Variants in PCDHA2 observed in about 807,000 individuals in gnomAD.
The protein encoded by PCDHA2 is protocadherin alpha 2, also known as protocadherin alpha-2.
A neutral mutation model predicts 66.0 loss-of-function variants in PCDHA2; 58 were observed. The ratio of observed to expected loss-of-function variants is 0.88; its 90% CI spans 0.71 to 1.09. The LOEUF is 1.09. PCDHA2 is among the 50% of genes least tolerant of loss of function. The probability of loss-of-function intolerance (pLI) is 0.00; values close to 1 mark genes in which losing one functional copy is unlikely to be tolerated. For synonymous variants in PCDHA2, 634 were observed against 554.0 expected, an observed-to-expected ratio of 1.14 and a Z score of -2.03; for missense variants, 1,267 against 1,242.3, an observed-to-expected ratio of 1.02 and a Z score of -0.30.
At chr5:140,830,376 A>G in intron 1 of PCDHA2, 1 of 1,614,094 alleles carries the variant, frequency 6.2e-7, no homozygotes, top group South Asian at 1.1e-5. Context: ...TGCTCCGGGG[A>G]GGGCCCACCC....
At position 140,848,936 on chromosome 5, in the gene PCDHA2, G is replaced by T. The variant is rs2150425486; in HGVS notation, c.2388+51584G>T. On this transcript the variant is annotated intron_variant, in intron 1 of 3. Coordinates refer to ENST00000526136, the MANE Select transcript of PCDHA2 (RefSeq NM_018905.3). ...ATCTGTTCATCGCGGAATCCAGGCC[G>T]CTTGACTCTCGGTTTCCACTAGAGG... The T allele has an allele frequency of 3.7e-6, 6 of 1,607,362 alleles. 1 individual carries two copies. The highest frequency in any genetic ancestry group is 4.5e-5 in the East Asian group (2 of 44,818).
intron 1 of PCDHA2, chr5:140,835,983 C>T (rs1290587139): frequency 1.2e-6 from 2 of 1,613,326 alleles, no homozygotes; most frequent in Non-Finnish European, 1.7e-6. Flanking sequence ...GTTGCAGTTC[C>T]AGGTGAGCGC....
rs574487083 is a variant in PCDHA2 at position 140,915,476 on chromosome 5, T to C, written c.2389-63473T>C. Among the ~76,000 whole-genome samples the C allele has an allele frequency of 2.0e-5, 3 of 152,296 alleles. No homozygotes were observed. The South Asian group carries it at 6.2e-4, about 32-fold the overall frequency. On this transcript the variant is annotated intron_variant, in intron 1 of 3. Transcript: ENST00000526136. ...CCAGAAGGTTTTTATTTGAAGGAGC[T>C]TGGGCCTCAATCCCAATAATACTGT...
rs1395231181 is a variant in PCDHA2, at chr5:140,794,979, C to T, written c.15C>T (p.Ile5=). Reference sequence around the variant, plus strand: ...GAGGATTGGTAATGGCGTCTTCTATCAGAAGGGGCCGAGGGGCCTGGACAC... The same window carrying T: ...GAGGATTGGTAATGGCGTCTTCTATTAGAAGGGGCCGAGGGGCCTGGACAC... MASS[I]RRGRGAWTRL... Residue 5 remains isoleucine (I), a synonymous_variant, in exon 1 of 4, where the codon ATC becomes ATT. Transcript: ENST00000526136. 1 of 1,610,484 alleles carries T rather than the reference C, an allele frequency of 6.2e-7. No homozygotes were observed. Among genetic ancestry groups the T allele is most frequent in the Non-Finnish European group, 8.5e-7 (1 of 1,178,406 alleles).
At chr5:140,884,758 C>T in intron 1 of PCDHA2, 2 of 1,424,736 alleles carry the variant, frequency 1.4e-6, no homozygotes, top group Middle Eastern at 4.1e-4. Flanking sequence ...TCAAATTATT[C>T]TTTACTTTAA....
chr5:140,860,904 A>ATT (rs369143047), intron 1 of PCDHA2: 1 of 152,182 alleles, frequency 6.6e-6, no homozygotes, highest in African/African-American at 2.4e-5. Context: ...CGCCAGGCTA[A>ATT]TTTTTTGTAT....
At chr5:140,865,393 T>C (rs1484152946) in intron 1 of PCDHA2, 1 of 152,180 alleles carries the variant, frequency 6.6e-6, no homozygotes, top group Admixed American at 6.5e-5. Flanking sequence ...AAAGTTAATA[T>C]AAATGCTGAA....
At chr5:140,971,642 A>T (rs1586490477) in intron 1 of PCDHA2, among the ~76,000 whole-genome samples, 1 of 152,330 alleles carries the variant, frequency 6.6e-6, no homozygotes. Context: ...ATGTGCCTAC[A>T]TTAAAAGTAG....
intron 1 of PCDHA2, chr5:140,856,277 A>T: frequency 1.9e-6 from 3 of 1,598,280 alleles, no homozygotes; most frequent in Non-Finnish European, 2.6e-6. Flanking sequence ...TCTGGAGGTA[A>T]ATCTGCAGAA....
intron 3 of PCDHA2, among the ~76,000 whole-genome samples, chr5:141,000,383 CTCTCTCTCTCTCTATA>C (rs1346959358): frequency 3.2e-5 from 2 of 63,198 alleles, no homozygotes; most frequent in African/African-American, 1.4e-4. Context: ...CTCTCTCTCT[CTCTCTCTCTCTCTATA>C]TATATATATA....
At chr5:140,882,702 C>T (rs2059269414) in intron 1 of PCDHA2, 1 of 1,614,098 alleles carries the variant, frequency 6.2e-7, no homozygotes, top group African/African-American at 1.3e-5. Flanking sequence ...ATTGCAGAAT[C>T]TAGACCTCCG....
chr5:140,914,528 A>G (rs1333576504), intron 1 of PCDHA2, among the ~76,000 whole-genome samples: 2 of 152,114 alleles, frequency 1.3e-5, no homozygotes, highest in African/African-American at 4.8e-5. Flanking sequence ...TCATCCATTC[A>G]GCCACTTTAT....
chr5:140,972,766 T>G (rs2096555102), intron 1 of PCDHA2, among the ~76,000 whole-genome samples: 1 of 149,250 alleles, frequency 6.7e-6, no homozygotes, highest in African/African-American at 2.5e-5. Flanking sequence ...CAAGTTAAAG[T>G]GATTCTTCTG....
At chr5:140,860,155 ATATATATATG>A (rs1439486095) in intron 1 of PCDHA2, 1 of 149,648 alleles carries the variant, frequency 6.7e-6, no homozygotes, top group Non-Finnish European at 1.5e-5. Flanking sequence ...ATATATGTGT[ATATATATATG>A]TATATATATA....
intron 1 of PCDHA2, among the ~76,000 whole-genome samples, chr5:140,896,536 C>CT (rs34213614): frequency 0.32 from 46,252 of 145,528 alleles, 7,425 homozygotes; most frequent in East Asian, 0.53. Flanking sequence ...AGCTATTTTT[C>CT]TTTTTTTTTT....
At chr5:140,965,689 A>T (rs2095924180) in intron 1 of PCDHA2, among the ~76,000 whole-genome samples, 2 of 152,266 alleles carry the variant, frequency 1.3e-5, no homozygotes, top group African/African-American at 4.8e-5. Context: ...TTGAAGCAAG[A>T]TTAGAAAAAG....
intron 1 of PCDHA2, among the ~76,000 whole-genome samples, chr5:140,933,701 A>G (rs1204346571): frequency 6.6e-6 from 1 of 151,814 alleles, no homozygotes; most frequent in East Asian, 1.9e-4. Flanking sequence ...CCTCGGACAC[A>G]TTTACTGAGA....
chr5:140,857,197 G>A, intron 1 of PCDHA2: 2 of 1,598,586 alleles, frequency 1.3e-6, no homozygotes, highest in South Asian at 1.1e-5. Context: ...CCAACGGACA[G>A]GTCACCTGCT....
chr5:140,822,454 T>C (rs1283772552), intron 1 of PCDHA2: 3 of 1,613,664 alleles, frequency 1.9e-6, no homozygotes, highest in East Asian at 4.5e-5. Context: ...TACAGTTCAG[T>C]TGTTGATCAA....
Sources: gnomAD v4.1 joint callset for allele counts (sites outside exome capture counted in the v4.1 genomes callset) on GRCh38, gnomAD v4.1.1 for gene constraint, MANE v1.5 for transcripts, NCBI Gene and HGNC (gene_info 2026-07-23, HGNC 2026-07-21) for gene names.